SLC7A1: variants seen among roughly 807,000 people sequenced by gnomAD.
SLC7A1 encodes solute carrier family 7 member 1.
Under a neutral mutation model 53.9 loss-of-function variants are expected in SLC7A1, and 10 were observed. The observed-to-expected ratio is 0.19, with a 90% confidence interval of 0.11 to 0.31. The LOEUF is 0.31. SLC7A1 is among the 10% of genes least tolerant of loss of function. The pLI is 1.00. For synonymous variants in SLC7A1, 342 were observed against 338.7 expected (o/e 1.01, Z -0.11); for missense variants, 525 against 827.2 (o/e 0.63, Z 4.48).
intron 1 of SLC7A1, among the ~76,000 whole-genome samples, chr13:29,571,848 A>G (rs1214775791): frequency 6.6e-6 from 1 of 152,254 alleles, no homozygotes; most frequent in African/African-American, 2.4e-5. Flanking sequence ...GTCTCTAAAG[A>G]CAAATGATTA....
chr13:29,554,026 G>C (rs915486777), intron 1 of SLC7A1, among the ~76,000 whole-genome samples, 166 bp from the exon 2 acceptor site: 32 of 152,196 alleles, frequency 2.1e-4, no homozygotes, highest in African/African-American at 7.5e-4. Flanking sequence ...GCCCACCATG[G>C]GGCATCATCG....
intron 1 of SLC7A1, among the ~76,000 whole-genome samples, chr13:29,591,053 C>T (rs997024936): frequency 6.6e-6 from 1 of 152,046 alleles, no homozygotes; most frequent in Non-Finnish European, 1.5e-5. Flanking sequence ...GAGGCTAATA[C>T]AAGCTGTGAC....
At chr13:29,515,417 C>T (rs560838786) in intron 12 of SLC7A1, among the ~76,000 whole-genome samples, 8 of 152,328 alleles carry the variant, frequency 5.3e-5, no homozygotes, top group South Asian at 4.1e-4. Flanking sequence ...GACAGTGGGC[C>T]GCAAAGTATT....
rs183697647 is a variant in SLC7A1, at chr13:29,523,862, G to C, written c.826+270C>G. Among the ~76,000 whole-genome samples, 342 of 152,334 alleles carry C rather than the reference G, an allele frequency of 2.2e-3. 2 individuals carry two copies. Among genetic ancestry groups the C allele is most frequent in the African/African-American group, 8.1e-3 (337 of 41,566 alleles). ...CTCCTCCCGGAAGACGCTCAGATAT[G>C]AAATCAGGCCACAGCCACACAGCTA... On this transcript the variant is annotated intron_variant, in intron 6 of 12. Transcript: ENST00000380752.
intron 2 of SLC7A1, among the ~76,000 whole-genome samples, chr13:29,541,284 A>G (rs1869654785): frequency 6.6e-6 from 1 of 152,242 alleles, no homozygotes; most frequent in Non-Finnish European, 1.5e-5. Context: ...TTATAAAAAA[A>G]GAGGTAAGGA....
At chr13:29,592,220 C>G (rs1040344288) in intron 1 of SLC7A1, among the ~76,000 whole-genome samples, 9 of 152,186 alleles carry the variant, frequency 5.9e-5, no homozygotes, top group Non-Finnish European at 1.3e-4. Context: ...TTCCAGTTAT[C>G]CAGTGTGTTC....
At chr13:29,550,976 C>T (rs1870154031) in intron 2 of SLC7A1, among the ~76,000 whole-genome samples, 1 of 152,190 alleles carries the variant, frequency 6.6e-6, no homozygotes. Context: ...TGGGGATAAC[C>T]ACAACTTCGC....
chr13:29,535,745 T>C, intron 3 of SLC7A1, 74 bp downstream of exon 3: 1 of 1,481,616 alleles, frequency 6.7e-7, no homozygotes, highest in South Asian at 1.3e-5. Context: ...CTGTGGGGCA[T>C]CCACCCACAC....
chr13:29,551,151 A>C (rs1870164915), intron 2 of SLC7A1, among the ~76,000 whole-genome samples: 1 of 152,206 alleles, frequency 6.6e-6, no homozygotes, highest in Non-Finnish European at 1.5e-5. Context: ...AGATGAGACC[A>C]CACATCGTCC....
intron 2 of SLC7A1, among the ~76,000 whole-genome samples, chr13:29,546,638 C>T (rs1490552554): frequency 6.6e-6 from 1 of 152,194 alleles, no homozygotes; most frequent in African/African-American, 2.4e-5. Flanking sequence ...ACACATAGGC[C>T]TGGGAACACC....
At position 29,581,945 on chromosome 13, in the gene SLC7A1, C is replaced by T. The variant is rs116704766; in HGVS notation, c.-115+13471G>A. Among the ~76,000 whole-genome samples, 411 of 152,342 alleles carry T rather than the reference C, an allele frequency of 2.7e-3. 3 individuals are homozygous for T. The highest frequency in any genetic ancestry group is 9.3e-3 in the African/African-American group (385 of 41,578). On this transcript the variant is annotated intron_variant, in intron 1 of 12. Coordinates refer to ENST00000380752, the MANE Select transcript of SLC7A1 (RefSeq NM_003045.5). ...ACCTCAGGAATGGGATTTTTCTTCT[C>T]GGAGAAACCTCCCTGAAGGCTGGGG...
chr13:29,538,759 T>C (rs1267537118), intron 2 of SLC7A1, among the ~76,000 whole-genome samples: 7 of 152,236 alleles, frequency 4.6e-5, no homozygotes, highest in African/African-American at 7.2e-5. Context: ...AAATGCAACA[T>C]TGCAACATAG....
chr13:29,591,698 G>C (rs192094246), intron 1 of SLC7A1, among the ~76,000 whole-genome samples: 1 of 152,184 alleles, frequency 6.6e-6, no homozygotes, highest in Non-Finnish European at 1.5e-5. Context: ...CCCCAGAAAA[G>C]GGAGGGGGGC....
chr13:29,539,243 C>A (rs940895986), intron 2 of SLC7A1, among the ~76,000 whole-genome samples: 2 of 152,162 alleles, frequency 1.3e-5, no homozygotes, highest in Non-Finnish European at 1.5e-5. Context: ...CAAACAGATT[C>A]TTGGCAAGGA....
intron 2 of SLC7A1, among the ~76,000 whole-genome samples, chr13:29,550,872 T>C (rs1254217663): frequency 1.3e-5 from 2 of 152,246 alleles, no homozygotes; most frequent in African/African-American, 4.8e-5. Context: ...CACTCTTGTG[T>C]GATAATGAGT....
At chr13:29,515,794 G>C (rs866920979) in intron 12 of SLC7A1, among the ~76,000 whole-genome samples, 2 of 152,238 alleles carry the variant, frequency 1.3e-5, no homozygotes, top group Non-Finnish European at 2.9e-5. Context: ...CCTGGGCCTA[G>C]TGCCCGTACC....
In SLC7A1 at chr13:29,530,796, G is replaced by A. The variant is rs937131979; in HGVS notation, c.530-84C>T. On this transcript the variant is annotated intron_variant, in intron 4 of 12. Transcript: ENST00000380752. ...CCTTCCTGGATGGGGATAAGAAGGC[G>A]ACTGAAAAAGAATCCAAGTGCATCG... 3.7e-5 allele frequency: 42 copies of A among 1,125,722 alleles called. No individual in the cohort carries two copies. In the Middle Eastern group the frequency reaches 6.4e-4, roughly 17 times the overall value. The allele number at this position is 1,125,722 out of a possible 1,614,324, so 69.7% of individuals were successfully genotyped here. A position where few individuals can be genotyped will look rare whatever the true frequency, so the allele number is the denominator to read the frequency against.
Position 29,535,852 on chromosome 13 carries a change from T to C in SLC7A1, c.337A>G (p.Thr113Ala). 1 of 1,614,036 alleles carries C rather than the reference T, an allele frequency of 6.2e-7. No individual in the cohort carries two copies. ...TAGGAGAGGATTAAGTTCCAGCCGG[T>C]GATGAAGGCCCAGAGCTCTCCAACG... ...VTVGELWAFITGWNLILSYII... is the reference protein window; with the variant it reads ...VTVGELWAFIAGWNLILSYII... Residue 113 changes from threonine (T) to alanine (A), a missense_variant, in exon 3 of 13, where the codon ACC becomes GCC. By Grantham distance (58) the Thr-to-Ala change is moderately conservative. This residue lies in a region of SLC7A1 where 354 missense variants were observed against 587.5 expected (regional missense o/e 0.60). Coordinates refer to ENST00000380752, the MANE Select transcript of SLC7A1 (RefSeq NM_003045.5).
At chr13:29,594,147 A>C (rs889389274) in intron 1 of SLC7A1, among the ~76,000 whole-genome samples, 1 of 152,272 alleles carries the variant, frequency 6.6e-6, no homozygotes, top group African/African-American at 2.4e-5. Flanking sequence ...ACCAAACATA[A>C]AGGGCAAGAA....
Sources: allele counts gnomAD v4.1 joint callset (sites outside exome capture counted in the v4.1 genomes callset), GRCh38; gene constraint gnomAD v4.1.1; regional missense constraint gnomAD v4.1.1; transcripts MANE v1.5; gene names NCBI Gene and HGNC (gene_info 2026-07-23, HGNC 2026-07-21).